Variants in NEGR1 observed in about 807,000 individuals in gnomAD.
The protein encoded by NEGR1 is IgLON family member 4.
Under a neutral mutation model 40.9 loss-of-function variants are expected in NEGR1, and 10 were observed. That is an observed-to-expected ratio of 0.24 (90% CI 0.15 to 0.42). The LOEUF (loss-of-function observed/expected upper bound fraction) is 0.42, where lower values mean the gene tolerates loss of function less well. NEGR1 is among the 10% of genes least tolerant of loss of function. The probability of loss-of-function intolerance (pLI) is 1.00; values close to 1 mark genes in which losing one functional copy is unlikely to be tolerated. For missense variants in NEGR1, 352 were observed against 438.9 expected, an observed-to-expected ratio of 0.80 and a Z score of 1.77; for synonymous variants, 185 against 166.8, an observed-to-expected ratio of 1.11 and a Z score of -0.84.
intron 4 of NEGR1, among the ~76,000 whole-genome samples, chr1:71,674,871 T>C (rs1434727870): frequency 6.6e-6 from 1 of 151,782 alleles, no homozygotes; most frequent in Non-Finnish European, 1.5e-5. Flanking sequence ...TGAATCACTA[T>C]CTGGCATAGG....
intron 1 of NEGR1, among the ~76,000 whole-genome samples, chr1:72,116,272 G>A (rs1285382821): frequency 6.6e-6 from 1 of 151,724 alleles, no homozygotes; most frequent in South Asian, 2.1e-4. Flanking sequence ...AAGATACTTA[G>A]AAAGTTAAGC....
chr1:71,808,241 T>A (rs1188464044), intron 2 of NEGR1, among the ~76,000 whole-genome samples: 1 of 152,256 alleles, frequency 6.6e-6, no homozygotes, highest in South Asian at 2.1e-4. Flanking sequence ...AAGAAATAAA[T>A]GTTTCATGAT....
chr1:72,281,658 C>A (rs1008509387), intron 1 of NEGR1, among the ~76,000 whole-genome samples: 1 of 149,604 alleles, frequency 6.7e-6, no homozygotes, highest in South Asian at 2.1e-4. Context: ...ATGTGAGGAA[C>A]AGAAATTAGA....
intron 3 of NEGR1, among the ~76,000 whole-genome samples, chr1:71,725,430 G>A (rs1002741530): frequency 1.3e-5 from 2 of 152,082 alleles, no homozygotes; most frequent in African/African-American, 4.8e-5. Context: ...AAGAGTTAAG[G>A]AAATGAGTTA....
chr1:71,706,915 A>G (rs1009421835), intron 3 of NEGR1, among the ~76,000 whole-genome samples: 17 of 152,008 alleles, frequency 1.1e-4, no homozygotes, highest in African/African-American at 3.9e-4. Flanking sequence ...GACTCAGTAC[A>G]TTACCAGCTG....
chr1:72,207,999 C>T (rs545405969), intron 1 of NEGR1, among the ~76,000 whole-genome samples: 1 of 151,726 alleles, frequency 6.6e-6, no homozygotes, highest in African/African-American at 2.4e-5. Flanking sequence ...TATAAGTAAA[C>T]TGACACAATT....
At chr1:72,110,687 A>G (rs1649326394) in intron 1 of NEGR1, among the ~76,000 whole-genome samples, 1 of 151,674 alleles carries the variant, frequency 6.6e-6, no homozygotes, top group Admixed American at 6.6e-5. Flanking sequence ...TTAGGAGGGT[A>G]TTGTTTAACC....
intron 1 of NEGR1, among the ~76,000 whole-genome samples, chr1:72,046,116 A>G (rs1349048112): frequency 6.6e-6 from 1 of 151,768 alleles, no homozygotes; most frequent in African/African-American, 2.4e-5. Context: ...TTCTGTTTGT[A>G]AAACAAGTCA....
chr1:71,730,078 A>G (rs1654808120), intron 3 of NEGR1, among the ~76,000 whole-genome samples: 1 of 152,114 alleles, frequency 6.6e-6, no homozygotes, highest in Non-Finnish European at 1.5e-5. Context: ...GGTGACAGAT[A>G]CAAATTCTAA....
At chr1:71,816,216 T>G (rs993735239) in intron 2 of NEGR1, among the ~76,000 whole-genome samples, 2 of 152,092 alleles carry the variant, frequency 1.3e-5, no homozygotes, top group Non-Finnish European at 2.9e-5. Flanking sequence ...TATTATTATG[T>G]TGGCTTTTGT....
chr1:71,721,938 A>C (rs543627860), intron 3 of NEGR1, among the ~76,000 whole-genome samples: 140 of 152,228 alleles, frequency 9.2e-4, no homozygotes, highest in African/African-American at 3.2e-3. Flanking sequence ...CAGAATAAGA[A>C]TAAAAAGACT....
intron 1 of NEGR1, among the ~76,000 whole-genome samples, chr1:72,039,212 C>T (rs573183475): frequency 6.6e-6 from 1 of 152,054 alleles, no homozygotes; most frequent in African/African-American, 2.4e-5. Context: ...AAAATAATGT[C>T]TATTTGATGC....
intron 6 of NEGR1, among the ~76,000 whole-genome samples, chr1:71,548,208 G>A (rs1443236917): frequency 6.6e-6 from 1 of 151,658 alleles, no homozygotes; most frequent in Non-Finnish European, 1.5e-5. Flanking sequence ...GCACAATTTG[G>A]AGATATTTAT....
chr1:71,870,998 G>A (rs905806143), intron 2 of NEGR1, among the ~76,000 whole-genome samples: 1 of 152,152 alleles, frequency 6.6e-6, no homozygotes, highest in Non-Finnish European at 1.5e-5. Flanking sequence ...ACGAATACCT[G>A]GGGATAAGAG....
chr1:71,476,754 T>C (rs900364483), intron 6 of NEGR1: 3 of 152,076 alleles, frequency 2.0e-5, no homozygotes, highest in South Asian at 2.1e-4. Context: ...GACTACATGT[T>C]ATATATTAAT....
At chr1:71,417,628 T>C (rs1006975051) in intron 6 of NEGR1, among the ~76,000 whole-genome samples, 8 of 152,208 alleles carry the variant, frequency 5.3e-5, no homozygotes, top group African/African-American at 1.9e-4. Context: ...GGAGGCCATA[T>C]TTCTTAACAA....
At chr1:71,485,389 C>G (rs1262018242) in intron 6 of NEGR1, among the ~76,000 whole-genome samples, 2 of 151,520 alleles carry the variant, frequency 1.3e-5, no homozygotes, top group African/African-American at 4.8e-5. Flanking sequence ...ATCAACATCC[C>G]CACCAGAGTG....
chr1:71,888,348 C>G (rs1407271868), intron 2 of NEGR1, among the ~76,000 whole-genome samples: 1 of 151,974 alleles, frequency 6.6e-6, no homozygotes, highest in African/African-American at 2.4e-5. Flanking sequence ...GGGCGCAGGC[C>G]AGTGTGTGCG....
chr1:72,201,336 T>A (rs1337166410), intron 1 of NEGR1, among the ~76,000 whole-genome samples: 2 of 151,414 alleles, frequency 1.3e-5, no homozygotes, highest in African/African-American at 4.8e-5. Context: ...ATATTTATTT[T>A]ATTTTACATC....
Sources: allele counts gnomAD v4.1 joint callset (sites outside exome capture counted in the v4.1 genomes callset), GRCh38; gene constraint gnomAD v4.1.1; transcripts MANE v1.5; gene names NCBI Gene and HGNC (gene_info 2026-07-23, HGNC 2026-07-21).